The following MTX1 variants were observed in gnomAD, a reference collection of about 807,000 sequenced individuals.
The protein encoded by MTX1 is metaxin 1.
In MTX1, 20 loss-of-function variants were observed where a neutral mutation model predicts 39.4. The observed-to-expected ratio is 0.51, with a 90% CI of 0.36 to 0.74. The LOEUF (loss-of-function observed/expected upper bound fraction) is 0.74. Ranked by LOEUF, MTX1 falls within the 30% of genes least tolerant of loss-of-function variation. MTX1 has a pLI of 0.00. For synonymous variants in MTX1, 209 were observed against 198.6 expected, an observed-to-expected ratio of 1.05 and a Z score of -0.44; for missense variants, 481 against 485.9, an observed-to-expected ratio of 0.99 and a Z score of 0.10.
chr1:155,212,786 A>G lies in MTX1; in HGVS notation c.1031+16A>G. ...TTGGAGATGCGTGAGTCTGACTCCA[A>G]GAGGGTAATGGGTGGCTTGGAAGAA... is the stretch of plus-strand genomic sequence containing the variant. On this transcript the variant is annotated intron_variant, in intron 6 of 7. Transcript: ENST00000368376. The G allele has an allele frequency of 3.2e-6, 5 of 1,566,376 alleles. No homozygotes were observed. The highest frequency in any genetic ancestry group is 3.5e-6 in the Non-Finnish European group (4 of 1,155,536).
At position 155,209,006 on chromosome 1, in the gene MTX1, G is replaced by A. The variant is rs1259954001; in HGVS notation, c.202G>A (p.Gly68Arg). 3 of 1,593,264 alleles carry A rather than the reference G, an allele frequency of 1.9e-6. No homozygotes were observed. ...TRRRDSPRRAGPTALSRYVGH... is the reference protein window; with the variant it reads ...TRRRDSPRRARPTALSRYVGH... ...GCGCCGTGACTCTCCGAGGCGCGCCGGGCCGACAGCGCTGTCCCGCTACGT... is the reference window on the plus strand; with the variant it reads ...GCGCCGTGACTCTCCGAGGCGCGCCAGGCCGACAGCGCTGTCCCGCTACGT... The change falls in exon 1 of 8, where the codon GGG becomes AGG. Residue 68 changes from glycine (G) to arginine (R), a missense_variant. Gly to Arg is a moderately radical substitution (Grantham distance 125). Transcript: ENST00000368376.
chr1:155,209,419 T>C, intron 1 of MTX1, 87 bp downstream of exon 1: 1 of 1,316,250 alleles, frequency 7.6e-7, no homozygotes, highest in African/African-American at 1.5e-5. Flanking sequence ...TTGCCAGGGC[T>C]ACTCAGCACG....
chr1:155,209,100 C>A lies in MTX1; in HGVS notation c.296C>A (p.Ala99Asp). The change falls in exon 1 of 8, where the codon GCT (alanine) becomes GAT (aspartate). Residue 99 changes from alanine (A) to aspartate (D), a missense_variant. Transcript: ENST00000368376. The stretch of plus-strand genomic sequence containing the variant: ...CGCGGCCCAGTCCCCCGCAGTTCAG[C>A]TGCCAGTCGGGCCAGAAGAAGCCTC... Reference protein sequence around the residue: ...EARGPVPRSSAASRARRSLAS... With the variant: ...EARGPVPRSSDASRARRSLAS... The A allele has an allele frequency of 6.5e-7, 1 of 1,543,330 alleles. No individual in the cohort carries two copies. The highest frequency in any genetic ancestry group is 8.7e-7 in the Non-Finnish European group (1 of 1,143,770).
At position 155,210,343 on chromosome 1, in the gene MTX1, C is replaced by A; in HGVS notation, c.529-3C>A. The A allele has an allele frequency of 6.2e-7, 1 of 1,614,044 alleles. No homozygotes were observed. The highest frequency in any genetic ancestry group is 8.5e-7 in the Non-Finnish European group (1 of 1,179,886). ...TCTCTGACTTCTGCTTCCTTCCCTG[C>A]AGACCTATGCCAGATTTACTGGTGC... is the stretch of plus-strand genomic sequence containing the variant. On this transcript the variant is annotated splice_polypyrimidine_tract_variant and splice_region_variant and intron_variant, in intron 1 of 7. Transcript: ENST00000368376.
At position 155,210,596 on chromosome 1, in the gene MTX1, C is replaced by T. The variant is rs1671097382; in HGVS notation, c.647C>T (p.Pro216Leu). 6.2e-7 allele frequency: 1 copy of T among 1,614,032 alleles called. No homozygotes were observed. The highest frequency in any genetic ancestry group is 1.1e-5 in the South Asian group (1 of 91,082). The change falls in exon 3 of 8, where the codon CCA becomes CTA. Residue 216 changes from proline (P) to leucine (L), a missense_variant. Physicochemically the swap from Pro to Leu is moderately conservative, Grantham distance 98. Transcript: ENST00000368376. Reference sequence around the variant, plus strand: ...AGTCATGGAGAGGTCATCTCAGTTCCACACAAGATCATCACCCACCTTCGA... The same window carrying T: ...AGTCATGGAGAGGTCATCTCAGTTCTACACAAGATCATCACCCACCTTCGA... ...RTSHGEVISV[P>L]HKIITHLRKE...
rs1332327918 is a variant in MTX1 at position 155,209,184 on chromosome 1, G to A, written c.380G>A (p.Gly127Glu). 1.4e-6 allele frequency: 2 copies of A among 1,479,026 alleles called. No homozygotes were observed. The highest frequency in any genetic ancestry group is 1.4e-5 in the African/African-American group (1 of 70,056). 91.6% of individuals were successfully genotyped at this position (1,479,026 alleles called of 1,614,324 possible). A position where few individuals can be genotyped will look rare whatever the true frequency, so the allele number is the denominator to read the frequency against. The change falls in exon 1 of 8, where the codon GGG becomes GAG. Residue 127 changes from glycine to glutamate, a missense_variant. Gly to Glu is a moderately conservative substitution (Grantham distance 98). This residue lies in a region of MTX1 where 368 missense variants were observed against 332.8 expected (regional missense o/e 1.11). Transcript: ENST00000368376. ...GCAACGATCGGAGGGGCGGTGGCGG[G>A]GGGCGGGCCCAGGCAGGGGAGGGCA... ...LTATIGGAVA[G>E]GGPRQGRAEA...
chr1:155,211,760 C>T lies in MTX1; in HGVS notation c.679-367C>T, dbSNP rs956610336. The T allele has an allele frequency of 6.7e-4, 116 of 173,250 alleles. 2 individuals carry two copies. Among genetic ancestry groups the T allele is most frequent in the Middle Eastern group, 2.8e-3 (1 of 354 alleles). The allele number at this position is 173,250 out of a possible 1,614,324, so 10.7% of individuals were successfully genotyped here. A position where few individuals can be genotyped will look rare whatever the true frequency, so the allele number is the denominator to read the frequency against. ...CGAGTCCTAGCCTGCATCTGAGCTCCGTTGTGCTAGCTTTGTGGTGTCTGG... is the reference window on the plus strand; with the variant it reads ...CGAGTCCTAGCCTGCATCTGAGCTCTGTTGTGCTAGCTTTGTGGTGTCTGG... On this transcript the variant is annotated intron_variant, in intron 3 of 7. Transcript: ENST00000368376.
rs1222526877 is a variant in MTX1 at position 155,213,358 on chromosome 1, C to G, written c.1153C>G (p.His385Asp). 2 of 419,694 alleles carry G rather than the reference C, an allele frequency of 4.8e-6. No individual in the cohort carries two copies. The highest frequency in any genetic ancestry group is 7.0e-5 in the East Asian group (2 of 28,458). The allele number at this position is 419,694 out of a possible 1,614,324, so 26.0% of individuals were successfully genotyped here. A position where few individuals can be genotyped will look rare whatever the true frequency, so the allele number is the denominator to read the frequency against. ...GCACAACCTCTGTGCCTATTGTACC[C>G]ACATTCTCAGTCTCTACTTCCCCTG... ...GLHNLCAYCT[H>D]ILSLYFPWDG... The change falls in exon 7 of 8, where the codon CAC becomes GAC. Residue 385 changes from histidine (H) to aspartate (D), a missense_variant. By Grantham distance (81) the His-to-Asp change is moderately conservative. This residue lies in a region of MTX1 where 113 missense variants were observed against 153.2 expected (regional missense o/e 0.74). Coordinates refer to ENST00000368376, the MANE Select transcript of MTX1 (RefSeq NM_002455.5).
Position 155,208,793 on chromosome 1 carries a change from G to C in MTX1, c.-12G>C. On this transcript the variant is annotated 5_prime_UTR_variant, in exon 1 of 8. Coordinates refer to ENST00000368376, the MANE Select transcript of MTX1 (RefSeq NM_002455.5). ...GCAGGGCCCGCTCCAAACATAACGCGCTGTGGAAAACATGCTGCTCGGGGG... is the reference window on the plus strand; with the variant it reads ...GCAGGGCCCGCTCCAAACATAACGCCCTGTGGAAAACATGCTGCTCGGGGG... 1 of 1,517,962 alleles carries C rather than the reference G, an allele frequency of 6.6e-7. No homozygotes were observed. The highest frequency in any genetic ancestry group is 8.8e-7 in the Non-Finnish European group (1 of 1,130,206). 94.0% of individuals were successfully genotyped at this position (1,517,962 alleles called of 1,614,324 possible).
At chr1:155,210,707 A>C (rs1671104406) in intron 3 of MTX1, 80 bp downstream of exon 3, 5 of 1,312,772 alleles carry the variant, frequency 3.8e-6, no homozygotes, top group Non-Finnish European at 5.5e-6. Flanking sequence ...TGAGCACCAG[A>C]TATATGCCAT....
At position 155,209,108 on chromosome 1, in the gene MTX1, C is replaced by A. The variant is rs1229364585; in HGVS notation, c.304C>A (p.Arg102=). The A allele has an allele frequency of 1.3e-6, 2 of 1,543,394 alleles. No individual in the cohort carries two copies. Among genetic ancestry groups the A allele is most frequent in the Non-Finnish European group, 1.7e-6 (2 of 1,143,754 alleles). ...GPVPRSSAAS[R]ARRSLASPGI... ...AGTCCCCCGCAGTTCAGCTGCCAGT[C>A]GGGCCAGAAGAAGCCTCGCCTCCCC... The change falls in exon 1 of 8, where the codon CGG becomes AGG. Residue 102 remains arginine (R), a synonymous_variant. Coordinates refer to ENST00000368376, the MANE Select transcript of MTX1 (RefSeq NM_002455.5).
At chr1:155,212,062 C>A in intron 3 of MTX1, 65 bp from the exon 4 acceptor site, 1 of 1,433,230 alleles carries the variant, frequency 7.0e-7, no homozygotes, top group Non-Finnish European at 9.6e-7. Context: ...GACAGGACTC[C>A]TTCCTCCCTG....
At chr1:155,212,928 GC>G (rs1557891390) in intron 6 of MTX1, among the ~76,000 whole-genome samples, 158 bp downstream of exon 6, 1 of 144,988 alleles carries the variant, frequency 6.9e-6, no homozygotes, top group South Asian at 2.4e-4. Flanking sequence ...CTGTGTGGGG[GC>G]CAGAGCCTTC....
At position 155,208,785 on chromosome 1, in the gene MTX1, C is replaced by A; in HGVS notation, c.-20C>A. 1 of 1,499,930 alleles carries A rather than the reference C, an allele frequency of 6.7e-7. No homozygotes were observed. Among genetic ancestry groups the A allele is most frequent in the Non-Finnish European group, 8.9e-7 (1 of 1,121,890 alleles). 92.9% of individuals were successfully genotyped at this position (1,499,930 alleles called of 1,614,324 possible). A position where few individuals can be genotyped will look rare whatever the true frequency, so the allele number is the denominator to read the frequency against. ...CAGGCGGCGCAGGGCCCGCTCCAAACATAACGCGCTGTGGAAAACATGCTG... is the reference window on the plus strand; with the variant it reads ...CAGGCGGCGCAGGGCCCGCTCCAAAAATAACGCGCTGTGGAAAACATGCTG... On this transcript the variant is annotated 5_prime_UTR_variant, in exon 1 of 8. Transcript: ENST00000368376.
intron 6 of MTX1, 135 bp downstream of exon 6, chr1:155,212,905 A>G (rs370128947): frequency 8.0e-5 from 99 of 1,230,694 alleles, no homozygotes; most frequent in Admixed American, 4.2e-4. Flanking sequence ...AACTGGCCCT[A>G]GTGACAGTGT....
At chr1:155,211,771 C>G (rs752564529) in intron 3 of MTX1, 18 of 183,110 alleles carry the variant, frequency 9.8e-5, no homozygotes, top group Non-Finnish European at 9.3e-5. Flanking sequence ...GTTGTGCTAG[C>G]TTTGTGGTGT....
chr1:155,212,362 T>C (rs892181410), intron 4 of MTX1, 23 bp from the exon 5 acceptor site: 61 of 1,613,338 alleles, frequency 3.8e-5, no homozygotes, highest in Non-Finnish European at 4.7e-5. Context: ...ACCTACCTGT[T>C]TCTTCCTGCC....
At chr1:155,211,304 G>A (rs1387735697) in intron 3 of MTX1, 1 of 152,952 alleles carries the variant, frequency 6.5e-6, no homozygotes, top group African/African-American at 2.4e-5. Context: ...CAAAGTTCCT[G>A]GCAGAGCCGA....
intron 1 of MTX1, among the ~76,000 whole-genome samples, 172 bp from the exon 2 acceptor site, chr1:155,210,174 G>A (rs1671059619): frequency 6.6e-6 from 1 of 152,196 alleles, no homozygotes; most frequent in Non-Finnish European, 1.5e-5. Context: ...TCTGAGCCCT[G>A]TGTTGTCCAT....
Sources: allele counts gnomAD v4.1 joint callset (sites outside exome capture counted in the v4.1 genomes callset), GRCh38; gene constraint gnomAD v4.1.1; regional missense constraint gnomAD v4.1.1; transcripts MANE v1.5; gene names NCBI Gene and HGNC (gene_info 2026-07-23, HGNC 2026-07-21).